DGLUCY: variants seen among roughly 807,000 people sequenced by gnomAD.
The protein encoded by DGLUCY is D-glutamate cyclase, mitochondrial.
In DGLUCY, 58 loss-of-function variants were observed where a neutral mutation model predicts 58.5. The observed-to-expected ratio is 0.99, with a 90% CI of 0.80 to 1.23. The LOEUF is 1.23. Among genes scored for constraint, DGLUCY ranks in the 50% most tolerant of loss-of-function variants. The probability of loss-of-function intolerance (pLI) is 0.00; values close to 1 mark genes in which losing one functional copy is unlikely to be tolerated. For synonymous variants in DGLUCY, 325 were observed against 314.1 expected, an observed-to-expected ratio of 1.03 and a Z score of -0.37; for missense variants, 779 against 784.7, an observed-to-expected ratio of 0.99 and a Z score of 0.09.
At chr14:91,153,116 C>T (rs369320118) in intron 1 of DGLUCY, among the ~76,000 whole-genome samples, 3 of 152,198 alleles carry the variant, frequency 2.0e-5, no homozygotes, top group East Asian at 3.9e-4. Flanking sequence ...CCTCCCTGGC[C>T]GCCTTTTCTC....
chr14:91,144,859 T>G (rs1419907086), intron 1 of DGLUCY, among the ~76,000 whole-genome samples: 1 of 152,096 alleles, frequency 6.6e-6, no homozygotes, highest in African/African-American at 2.4e-5. Flanking sequence ...CAGAGCATTC[T>G]TTGTTCTTGA....
intron 1 of DGLUCY, among the ~76,000 whole-genome samples, chr14:91,118,448 G>A (rs554562027): frequency 2.1e-5 from 3 of 145,860 alleles, no homozygotes; most frequent in Non-Finnish European, 4.5e-5. Context: ...ACTTGGAAGG[G>A]GAAAGAGCTA....
intron 1 of DGLUCY, among the ~76,000 whole-genome samples, chr14:91,124,046 A>G (rs760141836): frequency 6.6e-6 from 1 of 151,110 alleles, no homozygotes; most frequent in Admixed American, 6.6e-5. Flanking sequence ...TCCTACCTCA[A>G]CTTCCTGAGT....
intron 1 of DGLUCY, among the ~76,000 whole-genome samples, chr14:91,146,287 G>T (rs2047008537): frequency 6.6e-6 from 1 of 152,224 alleles, no homozygotes; most frequent in Non-Finnish European, 1.5e-5. Flanking sequence ...GACTACCATG[G>T]ATGGGCTGAG....
In DGLUCY at chr14:91,090,755, TG is replaced by T. The variant is rs2044297811; in HGVS notation, c.-82+30053del. 2.0e-5 allele frequency among the ~76,000 whole-genome samples: 3 copies of T among 152,312 alleles called. No individual in the cohort carries two copies. The South Asian group carries it at 6.2e-4, about 32-fold the overall frequency. On this transcript the variant is annotated intron_variant, in intron 1 of 4. Coordinates refer to the DGLUCY transcript ENST00000521334. The stretch of plus-strand genomic sequence containing the variant: ...CACTGAGGAAGATGCCTAAGACATC[TG>T]GTGGAGCCTTGGCTGTTCCATCTCC...
At chr14:91,060,699 A>G in exon 1 of DGLUCY, 2 of 355,230 alleles carry the variant, frequency 5.6e-6, no homozygotes, top group Non-Finnish European at 5.0e-6. Context: ...GCCCACAGCC[A>G]GCAAGGTAAG....
At chr14:91,218,609 G>A (rs1261619911) in intron 13 of DGLUCY, among the ~76,000 whole-genome samples, 1 of 151,826 alleles carries the variant, frequency 6.6e-6, no homozygotes, top group Non-Finnish European at 1.5e-5. Flanking sequence ...CACCATGTTG[G>A]CCAGGCTGGT....
At chr14:91,208,904 T>C (rs1885207640) in intron 12 of DGLUCY, among the ~76,000 whole-genome samples, 1 of 152,232 alleles carries the variant, frequency 6.6e-6, no homozygotes, top group Non-Finnish European at 1.5e-5. Flanking sequence ...TTGCAAACTC[T>C]AGGGCATCCA....
intron 13 of DGLUCY, chr14:91,223,781 C>G: frequency 8.8e-7 from 1 of 1,138,352 alleles, no homozygotes; most frequent in Non-Finnish European, 1.2e-6. Context: ...AAGGACCCTG[C>G]TAAGTGCTTT....
chr14:91,168,810 G>A (rs975611660), intron 4 of DGLUCY, among the ~76,000 whole-genome samples: 1 of 152,198 alleles, frequency 6.6e-6, no homozygotes, highest in Non-Finnish European at 1.5e-5. Context: ...GGATGGGATG[G>A]GCGCGGTGGC....
At chr14:91,069,928 C>T (rs1311640751) in intron 1 of DGLUCY, among the ~76,000 whole-genome samples, 1 of 151,642 alleles carries the variant, frequency 6.6e-6, no homozygotes, top group East Asian at 1.9e-4. Context: ...TTACAGGTGC[C>T]TGCCACCACA....
intron 1 of DGLUCY, among the ~76,000 whole-genome samples, chr14:91,069,463 A>G (rs1163791106): frequency 6.6e-6 from 1 of 151,760 alleles, no homozygotes; most frequent in Non-Finnish European, 1.5e-5. Flanking sequence ...TATTTTTAGT[A>G]GAGACAGGGT....
chr14:91,118,087 C>A (rs12882885), intron 1 of DGLUCY, among the ~76,000 whole-genome samples: 5 of 64,072 alleles, frequency 7.8e-5, no homozygotes, highest in Middle Eastern at 8.3e-3. Context: ...CCCCCCCCCC[C>A]CTTTTTTTTT....
chr14:91,202,498 C>T (rs1286482565), intron 11 of DGLUCY, among the ~76,000 whole-genome samples: 1 of 152,158 alleles, frequency 6.6e-6, no homozygotes, highest in Non-Finnish European at 1.5e-5. Flanking sequence ...TTCTGCAAAT[C>T]GCCCTGGCTT....
intron 1 of DGLUCY, among the ~76,000 whole-genome samples, chr14:91,155,186 T>A (rs1481976415): frequency 6.6e-6 from 1 of 152,232 alleles, no homozygotes; most frequent in Non-Finnish European, 1.5e-5. Flanking sequence ...ATGGTAATTA[T>A]GCGTTTAATG....
At chr14:91,104,948 C>G (rs1273224720), upstream of DGLUCY, among the ~76,000 whole-genome samples, 2 of 152,180 alleles carry the variant, frequency 1.3e-5, no homozygotes. Flanking sequence ...ATGAGGAAAT[C>G]CAAGTGCATC....
chr14:91,204,561 C>T, intron 11 of DGLUCY, 145 bp from the exon 12 acceptor site: 4 of 1,131,274 alleles, frequency 3.5e-6, no homozygotes, highest in Non-Finnish European at 4.9e-6. Flanking sequence ...GGGGAAGTAC[C>T]ACAACTCCTG....
At chr14:91,151,844 G>A (rs1273081299) in intron 1 of DGLUCY, among the ~76,000 whole-genome samples, 3 of 151,486 alleles carry the variant, frequency 2.0e-5, no homozygotes, top group East Asian at 3.9e-4. Context: ...TAGTAGAGAC[G>A]GGGTTTTGCC....
At chr14:91,119,638 TG>T (rs1277728376) in intron 1 of DGLUCY, among the ~76,000 whole-genome samples, 3 of 152,318 alleles carry the variant, frequency 2.0e-5, no homozygotes, top group African/African-American at 7.2e-5. Flanking sequence ...CTCGGTGTGA[TG>T]GCTTAATGTT....
Sources: allele counts gnomAD v4.1 joint callset (sites outside exome capture counted in the v4.1 genomes callset), GRCh38; gene constraint gnomAD v4.1.1; transcripts MANE v1.5; gene names NCBI Gene and HGNC (gene_info 2026-07-23, HGNC 2026-07-21).